The following GRM5 variants were observed in gnomAD, a reference collection of about 807,000 sequenced individuals.
GRM5 encodes the protein glutamate metabotropic receptor 5.
A neutral mutation model predicts 83.1 loss-of-function variants in GRM5; 19 were observed. The ratio of observed to expected loss-of-function variants is 0.23; its 90% CI spans 0.16 to 0.34. GRM5 has a LOEUF of 0.34. Ranked by LOEUF, GRM5 falls within the 10% of genes least tolerant of loss-of-function variation. GRM5 has a pLI of 1.00. For missense variants in GRM5, 1,160 were observed against 1,588.3 expected, an observed-to-expected ratio of 0.73 and a Z score of 4.58; for synonymous variants, 675 against 633.6, an observed-to-expected ratio of 1.07 and a Z score of -0.98.
At chr11:88,738,701 T>C (rs1941968175) in intron 3 of GRM5, among the ~76,000 whole-genome samples, 1 of 152,094 alleles carries the variant, frequency 6.6e-6, no homozygotes, top group South Asian at 2.1e-4. Context: ...CATCTCTGTT[T>C]ACCAATCTTG....
At chr11:88,593,007 A>G (rs764900399) in intron 6 of GRM5, among the ~76,000 whole-genome samples, 4 of 151,896 alleles carry the variant, frequency 2.6e-5, no homozygotes, top group Admixed American at 2.0e-4. Context: ...TTTTGAAGAG[A>G]TGGGGTCTCA....
At chr11:88,700,608 T>A (rs144464772) in intron 3 of GRM5, among the ~76,000 whole-genome samples, 15 of 152,294 alleles carry the variant, frequency 9.8e-5, no homozygotes, top group Non-Finnish European at 1.9e-4. Flanking sequence ...GAAGATTTAC[T>A]GTTCCTTTTC....
At chr11:89,038,128 T>C (rs1263647077) in intron 2 of GRM5, among the ~76,000 whole-genome samples, 4 of 147,974 alleles carry the variant, frequency 2.7e-5, no homozygotes, top group African/African-American at 1.0e-4. Flanking sequence ...ACCGACTAGA[T>C]AATCTCTTTC....
chr11:88,566,849 A>G (rs181388874), intron 8 of GRM5, among the ~76,000 whole-genome samples: 10 of 152,020 alleles, frequency 6.6e-5, no homozygotes, highest in African/African-American at 2.4e-4. Context: ...TTTGACTTCC[A>G]TGTTTCTAGA....
intron 2 of GRM5, among the ~76,000 whole-genome samples, chr11:88,911,748 A>G (rs924670149): frequency 8.6e-4 from 131 of 152,196 alleles, no homozygotes; most frequent in Non-Finnish European, 1.3e-4. Context: ...AGAAGCTAAA[A>G]TTGGAGATGA....
chr11:88,710,270 AG>A (rs1180606767), intron 3 of GRM5, among the ~76,000 whole-genome samples: 1 of 152,146 alleles, frequency 6.6e-6, no homozygotes, highest in African/African-American at 2.4e-5. Context: ...ACAACAAAAT[AG>A]AAAAAGAAAG....
At chr11:88,870,577 A>G (rs1429968866) in intron 2 of GRM5, among the ~76,000 whole-genome samples, 1 of 151,616 alleles carries the variant, frequency 6.6e-6, no homozygotes, top group African/African-American at 2.4e-5. Context: ...AAAAGAAAGA[A>G]TTAAGAATGA....
chr11:88,653,047 C>T, intron 4 of GRM5, 121 bp downstream of exon 4: 1 of 645,168 alleles, frequency 1.5e-6, no homozygotes, highest in Non-Finnish European at 2.7e-6. Flanking sequence ...TGGCAATATC[C>T]ACTCTACTTA....
In GRM5 at chr11:88,509,209, C is replaced by T. The variant is rs1028916224; in HGVS notation, c.3022G>A (p.Glu1008Lys). Reference sequence around the variant, plus strand: ...GGCCGCGCGGGCGCCGGGAAGTGCTCCTCAGCCTCGGCCACATCATACAGC... The same window carrying T: ...GGCCGCGCGGGCGCCGGGAAGTGCTTCTCAGCCTCGGCCACATCATACAGC... Reference protein sequence around the residue: ...KALYDVAEAEEHFPAPARPRS... With the variant: ...KALYDVAEAEKHFPAPARPRS... Residue 1008 changes from glutamate (E) to lysine (K), a missense_variant, in exon 10 of 10, where the codon GAG (glutamate) becomes AAG (lysine). Coordinates refer to ENST00000305447, the MANE Select transcript of GRM5 (RefSeq NM_001143831.3). 2 of 1,534,390 alleles carry T rather than the reference C, an allele frequency of 1.3e-6. No homozygotes were observed. The highest frequency in any genetic ancestry group is 1.8e-6 in the Non-Finnish European group (2 of 1,142,718).
At chr11:88,909,890 T>A (rs955501783) in intron 2 of GRM5, among the ~76,000 whole-genome samples, 2 of 152,138 alleles carry the variant, frequency 1.3e-5, no homozygotes, top group African/African-American at 4.8e-5. Flanking sequence ...CCTCTAGAGA[T>A]TATGAGTATA....
intron 3 of GRM5, among the ~76,000 whole-genome samples, chr11:88,791,838 G>A (rs1356867596): frequency 1.1e-4 from 17 of 152,080 alleles, no homozygotes; most frequent in Admixed American, 1.1e-3. Context: ...CATTTAATCA[G>A]TGTTTACCTT....
intron 2 of GRM5, among the ~76,000 whole-genome samples, chr11:88,941,061 T>A (rs940454842): frequency 2.0e-5 from 3 of 151,912 alleles, no homozygotes; most frequent in Admixed American, 6.6e-5. Context: ...GATCTTTGTT[T>A]CTAAACAAAG....
chr11:88,597,316 A>G lies in GRM5; in HGVS notation c.1431T>C (p.Asp477=), dbSNP rs766700499. ...TTCCAACGTTGATATAATCAAAGTA[A>G]TCTTTTCCCATTTCCTTGAAATTCA... The part of the protein sequence containing the change: ...EIMNFKEMGK[D]YFDYINVGSW... The change falls in exon 6 of 10, where the codon GAT becomes GAC. Residue 477 remains aspartate, a synonymous_variant. Transcript: ENST00000305447. The G allele has an allele frequency of 6.5e-7, 1 of 1,549,264 alleles. No individual in the cohort carries two copies. The highest frequency in any genetic ancestry group is 8.9e-7 in the Non-Finnish European group (1 of 1,124,376).
intron 3 of GRM5, among the ~76,000 whole-genome samples, chr11:88,668,157 T>A (rs1168981241): frequency 2.6e-5 from 4 of 151,722 alleles, no homozygotes; most frequent in African/African-American, 9.7e-5. Context: ...TAAAACAGAA[T>A]AATTTTATAT....
intron 3 of GRM5, among the ~76,000 whole-genome samples, chr11:88,664,433 C>T (rs898192345): frequency 6.6e-6 from 1 of 151,680 alleles, no homozygotes; most frequent in African/African-American, 2.4e-5. Context: ...ATTCACATAG[C>T]ATTTTCTTTT....
At chr11:89,017,323 TA>T (rs1403393135) in intron 2 of GRM5, among the ~76,000 whole-genome samples, 1 of 152,152 alleles carries the variant, frequency 6.6e-6, no homozygotes, top group Non-Finnish European at 1.5e-5. Context: ...CCCTACAAAA[TA>T]AACTTTATTG....
chr11:88,567,680 C>T lies in GRM5; in HGVS notation c.2003G>A (p.Arg668His), dbSNP rs776804851. ...GCTGCCAGCCAGGATCCTTGCAATA[C>T]GGTTGGTCTTTGTTACAAGGGCTGA... Reference protein sequence around the residue: ...SYSALVTKTNRIARILAGSKK... With the variant: ...SYSALVTKTNHIARILAGSKK... The change falls in exon 8 of 10, where the codon CGT (arginine) becomes CAT (histidine). Residue 668 changes from arginine to histidine, a missense_variant. Physicochemically the swap from Arg to His is conservative, Grantham distance 29. Coordinates refer to ENST00000305447, the MANE Select transcript of GRM5 (RefSeq NM_001143831.3). The surrounding 1 kb of genome is among the most constrained non-coding windows in gnomAD (Gnocchi z 7.3). 36 of 1,614,092 alleles carry T rather than the reference C, an allele frequency of 2.2e-5. No individual in the cohort carries two copies. The highest frequency in any genetic ancestry group is 2.6e-5 in the Non-Finnish European group (31 of 1,179,986).
At chr11:88,824,201 T>A (rs1339296918) in intron 3 of GRM5, among the ~76,000 whole-genome samples, 1 of 152,200 alleles carries the variant, frequency 6.6e-6, no homozygotes. Flanking sequence ...TGAAATTAAA[T>A]GTCAGTGTTC....
rs572594731 is a variant in GRM5 at position 88,985,260 on chromosome 11, T to C, written c.661+61952A>G. Among the ~76,000 whole-genome samples the C allele has an allele frequency of 3.9e-5, 6 of 152,268 alleles. No homozygotes were observed. In the East Asian group the frequency reaches 9.6e-4, roughly 24 times the overall value. ...CTACATATATAACCAATTTTGTTTA[T>C]TTATTTTTCCCCAGACTCTGGCAAA... On this transcript the variant is annotated intron_variant, in intron 2 of 9. Coordinates refer to ENST00000305447, the MANE Select transcript of GRM5 (RefSeq NM_001143831.3).
Sources: allele counts gnomAD v4.1 joint callset (sites outside exome capture counted in the v4.1 genomes callset), GRCh38; gene constraint gnomAD v4.1.1; non-coding constraint Gnocchi (gnomAD v3.1); transcripts MANE v1.5; gene names NCBI Gene and HGNC (gene_info 2026-07-23, HGNC 2026-07-21).